The following DLGAP1 variants were observed in gnomAD, a reference collection of about 807,000 sequenced individuals.
DLGAP1 encodes DLG associated protein 1.
Under a neutral mutation model 90.8 loss-of-function variants are expected in DLGAP1, and 11 were observed. The ratio of observed to expected loss-of-function variants is 0.12; its 90% confidence interval spans 0.08 to 0.20. The LOEUF (loss-of-function observed/expected upper bound fraction) is 0.20, where lower values mean the gene tolerates loss of function less well. Among genes scored for constraint, DLGAP1 ranks in the 10% least tolerant of loss-of-function variants. The pLI is 1.00. For synonymous variants in DLGAP1, 558 were observed against 540.7 expected (o/e 1.03, Z -0.44); for missense variants, 1,050 against 1,333.8 (o/e 0.79, Z 3.31).
At chr18:3,675,369 C>T (rs2060261948) in intron 7 of DLGAP1, among the ~76,000 whole-genome samples, 1 of 152,146 alleles carries the variant, frequency 6.6e-6, no homozygotes, top group South Asian at 2.1e-4. Context: ...TCCACCGTAC[C>T]CAGCCAGGGT....
intron 1 of DLGAP1, among the ~76,000 whole-genome samples, chr18:4,152,067 G>C (rs1001349623): frequency 2.6e-5 from 4 of 152,160 alleles, no homozygotes; most frequent in Admixed American, 6.5e-5. Context: ...AACTATTCCA[G>C]ATCATATCAC....
intron 2 of DLGAP1, among the ~76,000 whole-genome samples, chr18:4,115,101 G>A (rs1000320288): frequency 6.6e-6 from 1 of 151,854 alleles, no homozygotes; most frequent in African/African-American, 2.4e-5. Context: ...TTATCTTAAT[G>A]ATCTTTAAAT....
chr18:3,565,014 T>C lies in DLGAP1; in HGVS notation c.2057+2476A>G, dbSNP rs1237263945. On this transcript the variant is annotated intron_variant, in intron 9 of 12. Coordinates refer to ENST00000315677, the MANE Select transcript of DLGAP1 (RefSeq NM_004746.4). The surrounding 1 kb of genome is among the most constrained non-coding windows in gnomAD (Gnocchi z 4.0). Reference sequence around the variant, plus strand: ...AAGGAAACTAAGGCACAAAGATGGGTAGTAATTTGCTTATGGCCCCTCAGT... The same window carrying C: ...AAGGAAACTAAGGCACAAAGATGGGCAGTAATTTGCTTATGGCCCCTCAGT... 6.6e-6 allele frequency among the ~76,000 whole-genome samples: 1 copy of C among 152,006 alleles called. No homozygotes were observed. Among genetic ancestry groups the C allele is most frequent in the African/African-American group, 2.4e-5 (1 of 41,364 alleles).
chr18:4,100,575 G>C (rs1290028363), intron 2 of DLGAP1, among the ~76,000 whole-genome samples: 5 of 152,214 alleles, frequency 3.3e-5, no homozygotes, highest in Admixed American at 1.3e-4. Flanking sequence ...CCTAACAAGA[G>C]AGTCAGCCTG....
chr18:3,836,155 T>C (rs970493247), intron 4 of DLGAP1, among the ~76,000 whole-genome samples: 4 of 152,112 alleles, frequency 2.6e-5, no homozygotes, highest in African/African-American at 7.2e-5. Context: ...AGGAGAACGA[T>C]AGTCAATTAA....
chr18:4,184,692 C>A (rs1166049501), intron 1 of DLGAP1, among the ~76,000 whole-genome samples: 1 of 152,002 alleles, frequency 6.6e-6, no homozygotes, highest in Non-Finnish European at 1.5e-5. Flanking sequence ...AAAGGGAAAT[C>A]AATGAGTTTT....
At chr18:4,201,672 A>G (rs2077609288) in intron 1 of DLGAP1, among the ~76,000 whole-genome samples, 1 of 152,186 alleles carries the variant, frequency 6.6e-6, no homozygotes, top group Non-Finnish European at 1.5e-5. Context: ...AGATGTGAAC[A>G]GACATTTCTC....
chr18:3,659,434 C>CAT (rs3219683), intron 7 of DLGAP1, among the ~76,000 whole-genome samples: 1 of 138,092 alleles, frequency 7.2e-6, no homozygotes, highest in African/African-American at 3.0e-5. Flanking sequence ...CACACACACA[C>CAT]GGATGCTACC....
intron 4 of DLGAP1, among the ~76,000 whole-genome samples, chr18:3,829,510 T>C (rs2067917054): frequency 6.6e-6 from 1 of 151,832 alleles, no homozygotes. Context: ...GGCCTGTGTA[T>C]AGGGGACTGT....
At chr18:4,229,025 T>C (rs1040884469) in intron 1 of DLGAP1, among the ~76,000 whole-genome samples, 3 of 152,022 alleles carry the variant, frequency 2.0e-5, no homozygotes, top group Admixed American at 6.6e-5. Flanking sequence ...ATCAGTAGCA[T>C]TTATATATGC....
At position 3,840,301 on chromosome 18, in the gene DLGAP1, A is replaced by G. The variant is rs537518426; in HGVS notation, c.958-26028T>C. 3.3e-5 allele frequency among the ~76,000 whole-genome samples: 5 copies of G among 152,302 alleles called. No homozygotes were observed. The South Asian group carries it at 1.0e-3, about 32-fold the overall frequency. On this transcript the variant is annotated intron_variant, in intron 4 of 12. Coordinates refer to ENST00000315677, the MANE Select transcript of DLGAP1 (RefSeq NM_004746.4). ...ATCTCTTACAGTTGTGGAGGCCAGA[A>G]GTCCAAAATAGTTTCACTGAGCTGA...
At chr18:3,803,949 T>TGTAG (rs1393264132) in intron 5 of DLGAP1, among the ~76,000 whole-genome samples, 3 of 139,298 alleles carry the variant, frequency 2.2e-5, no homozygotes, top group Non-Finnish European at 4.7e-5. Context: ...CATTGGTTTA[T>TGTAG]GTAGGTTCAT....
chr18:3,555,666 C>T (rs1296614701), intron 9 of DLGAP1, among the ~76,000 whole-genome samples: 1 of 151,972 alleles, frequency 6.6e-6, no homozygotes, highest in African/African-American at 2.4e-5. Flanking sequence ...CAAAATTAGC[C>T]GGGTGTAGTG....
intron 2 of DLGAP1, among the ~76,000 whole-genome samples, chr18:4,138,250 G>A (rs754372369): frequency 9.2e-5 from 14 of 151,788 alleles, no homozygotes; most frequent in African/African-American, 2.7e-4. Context: ...TGGGTCTGTC[G>A]TACACACCTT....
At chr18:3,697,045 C>A (rs1004786476) in intron 7 of DLGAP1, among the ~76,000 whole-genome samples, 9 of 152,118 alleles carry the variant, frequency 5.9e-5, no homozygotes, top group East Asian at 5.8e-4. Context: ...TGGTGAGATC[C>A]CCTTTATCAT....
intron 10 of DLGAP1, among the ~76,000 whole-genome samples, chr18:3,512,204 T>C (rs1031754416): frequency 1.3e-5 from 2 of 152,184 alleles, no homozygotes; most frequent in Non-Finnish European, 2.9e-5. Context: ...TAACCATGAC[T>C]CATACCATCT....
intron 7 of DLGAP1, among the ~76,000 whole-genome samples, chr18:3,583,168 A>ACCTTCCTT (rs1223358564): frequency 1.9e-3 from 241 of 127,060 alleles, no homozygotes; most frequent in African/African-American, 7.3e-3. Flanking sequence ...CTACCTACCT[A>ACCTTCCTT]CCTACCTACC....
chr18:3,625,948 A>G (rs868747895), intron 7 of DLGAP1, among the ~76,000 whole-genome samples: 3 of 152,362 alleles, frequency 2.0e-5, no homozygotes, highest in Middle Eastern at 3.4e-3. Flanking sequence ...TTCCAAAAGC[A>G]TAAATTAATT....
At chr18:3,586,480 C>T (rs151059615) in intron 7 of DLGAP1, among the ~76,000 whole-genome samples, 61 of 152,014 alleles carry the variant, frequency 4.0e-4, no homozygotes, top group Non-Finnish European at 3.4e-4. Flanking sequence ...GAATTCAAAT[C>T]TTCATGACTG....
Sources: allele counts gnomAD v4.1 joint callset (sites outside exome capture counted in the v4.1 genomes callset), GRCh38; gene constraint gnomAD v4.1.1; non-coding constraint Gnocchi (gnomAD v3.1); transcripts MANE v1.5; gene names NCBI Gene and HGNC (gene_info 2026-07-23, HGNC 2026-07-21).